COL18A1: variants seen among roughly 807,000 people sequenced by gnomAD.
The protein encoded by COL18A1 is collagen type XVIII alpha 1 chain.
COL18A1 carries 133 observed loss-of-function variants against 168.0 expected under a neutral mutation model. That is an observed-to-expected ratio of 0.79 (90% CI 0.69 to 0.91). COL18A1 has a LOEUF of 0.91. COL18A1 is among the 40% of genes least tolerant of loss of function. The pLI is 0.00. For missense variants in COL18A1, 2,126 were observed against 1,925.4 expected (o/e 1.10, Z -1.95); for synonymous variants, 949 against 809.0 (o/e 1.17, Z -2.94).
chr21:45,443,268 C>CA lies in COL18A1; in HGVS notation c.107-24973dup. Among the ~76,000 whole-genome samples the CA allele has an allele frequency of 6.6e-6, 1 of 152,276 alleles. No individual in the cohort carries two copies. Among genetic ancestry groups the CA allele is most frequent in the African/African-American group, 2.4e-5 (1 of 41,542 alleles). On this transcript the variant is annotated intron_variant, in intron 2 of 41. Transcript: ENST00000651438. This position sits in a 1 kb window ranked among gnomAD's most constrained non-coding sequence, Gnocchi z 5.2. ...CCCCAACCGGCACAAGTGTGGCTGT[C>CA]ACAGCTGGGGTCTGGGTAGGTCTGG...
intron 26 of COL18A1, 175 bp from the exon 27 acceptor site, chr21:45,494,370 C>T (rs1327091872): frequency 8.2e-6 from 7 of 855,854 alleles, no homozygotes; most frequent in Non-Finnish European, 1.3e-5. Context: ...CCAGGGCTGC[C>T]TGCGCCTTGG....
At chr21:45,470,478 TGG>T (rs143650727) in intron 3 of COL18A1, among the ~76,000 whole-genome samples, 8 of 119,342 alleles carry the variant, frequency 6.7e-5, no homozygotes, top group Non-Finnish European at 1.2e-4. Flanking sequence ...GGTTTTTTTG[TGG>T]GTTTTTTTTT....
At chr21:45,495,547 C>A in intron 29 of COL18A1, 115 bp downstream of exon 29, 1 of 844,092 alleles carries the variant, frequency 1.2e-6, no homozygotes, top group Non-Finnish European at 2.0e-6. Context: ...AGCAGCCCTG[C>A]CATGTGGCCA....
intron 2 of COL18A1, among the ~76,000 whole-genome samples, chr21:45,413,068 G>T (rs772501585): frequency 5.3e-5 from 8 of 152,168 alleles, no homozygotes; most frequent in Admixed American, 5.2e-4. Flanking sequence ...CGGCTTCCTG[G>T]GGTGTGTCCT....
intron 2 of COL18A1, among the ~76,000 whole-genome samples, chr21:45,439,408 G>A (rs992483763): frequency 6.6e-6 from 1 of 152,256 alleles, no homozygotes; most frequent in Admixed American, 6.5e-5. Context: ...TGGGCAGAGA[G>A]GTCATGACCT....
chr21:45,452,474 C>T (rs892903445), intron 2 of COL18A1, among the ~76,000 whole-genome samples: 6 of 149,956 alleles, frequency 4.0e-5, no homozygotes, highest in African/African-American at 9.9e-5. Flanking sequence ...CATATATGTA[C>T]GTGTGTGTTT....
intron 2 of COL18A1, among the ~76,000 whole-genome samples, chr21:45,411,322 G>T (rs1307689788): frequency 6.6e-6 from 1 of 152,200 alleles, no homozygotes; most frequent in Non-Finnish European, 1.5e-5. Context: ...GGCATTAGTG[G>T]AGAACCTCAG....
chr21:45,489,808 G>A (rs951176895), intron 19 of COL18A1, among the ~76,000 whole-genome samples: 13 of 129,258 alleles, frequency 1.0e-4, no homozygotes, highest in East Asian at 2.3e-4. Flanking sequence ...CCGGCCTCCC[G>A]CCTCTCCCTC....
intron 20 of COL18A1, 93 bp downstream of exon 20, chr21:45,490,439 CGGGTCCCTGGGTCTCCATGTGCCCTCGT>C (rs1277899227): frequency 3.8e-5 from 34 of 902,556 alleles, no homozygotes; most frequent in African/African-American, 2.0e-4. Context: ...TGTGCCCTCC[CGGGTCCCTGGGTCTCCATGTGCCCTCGT>C]GGGTCCCTGG....
rs541086558 is a variant in COL18A1 at position 45,473,281 on chromosome 21, C to T, written c.652-614C>T. ...AGGCACCCTGGCACTCAGCCCAGGA[C>T]TGAAGATGCCAGAGGGAGCGGTGGG... On this transcript the variant is annotated intron_variant, in intron 3 of 41. Transcript: ENST00000651438. This position sits in a 1 kb window ranked among gnomAD's most constrained non-coding sequence, Gnocchi z 4.0. Among the ~76,000 whole-genome samples the T allele has an allele frequency of 1.3e-3, 204 of 152,364 alleles. 1 individual carries two copies. Among genetic ancestry groups the T allele is most frequent in the Non-Finnish European group, 2.1e-3 (140 of 68,038 alleles).
intron 8 of COL18A1, 157 bp downstream of exon 8, chr21:45,478,122 AAGG>A: frequency 3.9e-6 from 3 of 767,988 alleles, no homozygotes; most frequent in Non-Finnish European, 6.6e-6. Context: ...TTGGTGCTGG[AAGG>A]TGGTCAGACG....
At chr21:45,408,801 G>A (rs182735399) in intron 2 of COL18A1, among the ~76,000 whole-genome samples, 4 of 152,296 alleles carry the variant, frequency 2.6e-5, no homozygotes, top group East Asian at 1.9e-4. Context: ...GCTGTGGAGC[G>A]TATGTTGGAG....
intron 2 of COL18A1, chr21:45,422,433 G>A (rs902100594): frequency 3.8e-6 from 2 of 530,528 alleles, no homozygotes; most frequent in Non-Finnish European, 7.7e-6. Flanking sequence ...GCTTTTGAAG[G>A]GATGGGAGGC....
At chr21:45,431,749 A>G (rs528060103) in intron 2 of COL18A1, among the ~76,000 whole-genome samples, 1 of 152,050 alleles carries the variant, frequency 6.6e-6, no homozygotes, top group East Asian at 1.9e-4. Context: ...CTGCCATTTG[A>G]GACAATTTGG....
At chr21:45,494,458 C>T (rs779200941) in intron 26 of COL18A1, 87 bp from the exon 27 acceptor site, 27 of 1,593,278 alleles carry the variant, frequency 1.7e-5, no homozygotes, top group Non-Finnish European at 2.2e-5. Context: ...GCCACCTAAC[C>T]GTGCCTTCGC....
intron 2 of COL18A1, chr21:45,421,686 G>A: frequency 2.1e-6 from 1 of 468,792 alleles, no homozygotes; most frequent in East Asian, 5.6e-5. Flanking sequence ...CTGTTTCAGG[G>A]TTGGCCGGGT....
Position 45,505,532 on chromosome 21 carries a change from G to A in COL18A1, c.3087+101G>A, listed in dbSNP as rs2037146992. The A allele has an allele frequency of 2.2e-5, 16 of 733,448 alleles. No individual in the cohort carries two copies. The East Asian group carries it at 3.2e-4, about 15-fold the overall frequency. 45.4% of individuals were successfully genotyped at this position (733,448 alleles called of 1,614,324 possible). A position where few individuals can be genotyped will look rare whatever the true frequency, so the allele number is the denominator to read the frequency against. ...CACTCTCCCACGGACCCCACAGGGA[G>A]ATATACAGGAGGCCAAGATGCGGTT... On this transcript the variant is annotated intron_variant, in intron 36 of 41. Transcript: ENST00000651438.
intron 3 of COL18A1, among the ~76,000 whole-genome samples, chr21:45,472,687 A>C (rs945547379): frequency 6.6e-6 from 1 of 152,080 alleles, no homozygotes; most frequent in Non-Finnish European, 1.5e-5. Flanking sequence ...CACTGTAGGC[A>C]ACGCCCTCCC....
At chr21:45,493,766 G>T (rs982771506) in intron 26 of COL18A1, 191 bp downstream of exon 26, 12 of 598,566 alleles carry the variant, frequency 2.0e-5, no homozygotes, top group South Asian at 1.8e-4. Context: ...CCGGCCCCTC[G>T]TCCTCTCCCT....
Sources: gnomAD v4.1 joint callset for allele counts (sites outside exome capture counted in the v4.1 genomes callset) on GRCh38, gnomAD v4.1.1 for gene constraint, Gnocchi (gnomAD v3.1) non-coding constraint, MANE v1.5 for transcripts, NCBI Gene and HGNC (gene_info 2026-07-23, HGNC 2026-07-21) for gene names.